The following EYA1 variants were observed in gnomAD, a reference collection of about 807,000 sequenced individuals.
The protein encoded by EYA1 is EYA transcriptional coactivator and phosphatase 1, also known as protein phosphatase EYA1.
In EYA1, 16 loss-of-function variants were observed where a neutral mutation model predicts 82.0. The observed-to-expected ratio is 0.20, with a 90% CI of 0.13 to 0.30. The LOEUF is 0.30. Among genes scored for constraint, EYA1 ranks in the 10% least tolerant of loss-of-function variants. EYA1 has a pLI of 1.00. For synonymous variants in EYA1, 261 were observed against 264.4 expected (o/e 0.99, Z 0.12); for missense variants, 633 against 730.7 (o/e 0.87, Z 1.54).
At chr8:71,458,610 G>A (rs1808136458) in intron 2 of EYA1, among the ~76,000 whole-genome samples, 1 of 152,056 alleles carries the variant, frequency 6.6e-6, no homozygotes, top group South Asian at 2.1e-4. Context: ...GAAGTTTTTG[G>A]TGATGGATTA....
chr8:71,208,387 G>T (rs529734903), intron 17 of EYA1, among the ~76,000 whole-genome samples: 1 of 151,948 alleles, frequency 6.6e-6, no homozygotes, highest in Non-Finnish European at 1.5e-5. Flanking sequence ...AGCCGAGATC[G>T]CGCTACTGCA....
At position 71,269,793 on chromosome 8, in the gene EYA1, T is replaced by C. The variant is rs1480195366; in HGVS notation, c.997A>G (p.Ile333Val). The change falls in exon 11 of 18, where the codon ATC (isoleucine) becomes GTC (valine). Residue 333 changes from isoleucine (I) to valine (V), a missense_variant. Physicochemically the swap from Ile to Val is conservative, Grantham distance 29. Transcript: ENST00000340726. ...GTAAGCAAGGAGTGGAAAACAATGA[T>C]TGTCTCATCCAAGTCCCAGATGAAC... ...RVFIWDLDETIIVFHSLLTGS... is the reference protein window; with the variant it reads ...RVFIWDLDETVIVFHSLLTGS... The C allele has an allele frequency of 6.2e-7, 1 of 1,613,756 alleles. No individual in the cohort carries two copies. Among genetic ancestry groups the C allele is most frequent in the South Asian group, 1.1e-5 (1 of 91,060 alleles).
intron 2 of EYA1, among the ~76,000 whole-genome samples, chr8:71,447,688 T>C (rs1379306417): frequency 6.6e-6 from 1 of 152,228 alleles, no homozygotes; most frequent in East Asian, 1.9e-4. Flanking sequence ...ATTTTTTGTT[T>C]CCCAATGCAT....
At chr8:71,399,415 C>T (rs1829826627) in intron 2 of EYA1, among the ~76,000 whole-genome samples, 1 of 152,178 alleles carries the variant, frequency 6.6e-6, no homozygotes, top group Non-Finnish European at 1.5e-5. Flanking sequence ...GGAACCTCCT[C>T]CTGCTTATGT....
intron 2 of EYA1, among the ~76,000 whole-genome samples, chr8:71,369,457 G>T (rs866419192): frequency 6.6e-6 from 1 of 152,148 alleles, no homozygotes; most frequent in Non-Finnish European, 1.5e-5. Flanking sequence ...GTCTTCTGTT[G>T]TCACAGTACT....
At chr8:71,268,346 A>C (rs1816119890) in intron 11 of EYA1, among the ~76,000 whole-genome samples, 2 of 152,164 alleles carry the variant, frequency 1.3e-5, no homozygotes, top group East Asian at 1.9e-4. Context: ...GGATCAGTTA[A>C]GGAGATCTTC....
chr8:71,303,315 TACACACAC>T (rs58345968), intron 7 of EYA1, among the ~76,000 whole-genome samples: 1 of 131,886 alleles, frequency 7.6e-6, no homozygotes, highest in South Asian at 2.5e-4. Context: ...ACATTTGATA[TACACACAC>T]ACACACACAC....
At chr8:71,277,956 T>C (rs1427800372) in intron 9 of EYA1, among the ~76,000 whole-genome samples, 1 of 152,220 alleles carries the variant, frequency 6.6e-6, no homozygotes, top group Non-Finnish European at 1.5e-5. Context: ...AATTTTTACA[T>C]CTGTAAATAC....
At chr8:71,326,637 T>C (rs758012977) in intron 4 of EYA1, among the ~76,000 whole-genome samples, 1 of 152,174 alleles carries the variant, frequency 6.6e-6, no homozygotes, top group Non-Finnish European at 1.5e-5. Flanking sequence ...CTGGGAGAGC[T>C]GGGGCTCCTC....
In EYA1 at chr8:71,216,960, C is replaced by T; in HGVS notation, c.1199+5G>A. ...GATGGTCACTTCACATTCAAGGGTGCTCACCTTAGGTCCTGTCCGTTATCA... is the reference window on the plus strand; with the variant it reads ...GATGGTCACTTCACATTCAAGGGTGTTCACCTTAGGTCCTGTCCGTTATCA... On this transcript the variant is annotated splice_donor_5th_base_variant and intron_variant, in intron 13 of 17. Transcript: ENST00000340726. 1 of 1,613,318 alleles carries T rather than the reference C, an allele frequency of 6.2e-7. No homozygotes were observed. Among genetic ancestry groups the T allele is most frequent in the African/African-American group, 1.3e-5 (1 of 75,028 alleles).
chr8:71,217,047 A>G (rs1225601332), intron 12 of EYA1, 24 bp from the exon 13 acceptor site: 1 of 1,578,576 alleles, frequency 6.3e-7, no homozygotes, highest in South Asian at 1.1e-5. Flanking sequence ...AAAATGATAC[A>G]TGTCAATTTT....
rs372485175 is a variant in EYA1, at chr8:71,281,250, TG to T, written c.827-9354del. 2.9e-3 allele frequency among the ~76,000 whole-genome samples: 439 copies of T among 152,344 alleles called. 4 individuals are homozygous for T. The highest frequency in any genetic ancestry group is 0.01 in the African/African-American group (427 of 41,580). On this transcript the variant is annotated intron_variant, in intron 9 of 17. Transcript: ENST00000340726. ...TATGTTATTTTGTTTTGTCTGAGAA[TG>T]TTTTTTTCTTGAATGGTCATTAATG...
chr8:71,249,625 C>T (rs952344683), intron 11 of EYA1, among the ~76,000 whole-genome samples: 1 of 152,114 alleles, frequency 6.6e-6, no homozygotes. Context: ...CACAGCAAAA[C>T]CATATCAATG....
At chr8:71,472,282 A>G (rs769077704) in intron 2 of EYA1, among the ~76,000 whole-genome samples, 2 of 152,150 alleles carry the variant, frequency 1.3e-5, no homozygotes, top group Non-Finnish European at 2.9e-5. Flanking sequence ...TTTTTGTTAA[A>G]GGAAAAGCAC....
intron 12 of EYA1, among the ~76,000 whole-genome samples, chr8:71,221,200 G>A (rs888627935): frequency 6.6e-6 from 1 of 152,142 alleles, no homozygotes; most frequent in Non-Finnish European, 1.5e-5. Flanking sequence ...CCGATAAAAT[G>A]GTGGCCTACT....
rs140295529 is a variant in EYA1 at position 71,430,942 on chromosome 8, A to T, written c.34-74431T>A. ...ACACTACAGGGCCTAAGAACATGGA[A>T]CAAGACAGCTTGGCTTTAATTAAGT... On this transcript the variant is annotated intron_variant, in intron 2 of 18. Transcript: ENST00000643681. 8.5e-5 allele frequency among the ~76,000 whole-genome samples: 13 copies of T among 152,230 alleles called. No homozygotes were observed. In the East Asian group the frequency reaches 2.3e-3, roughly 27 times the overall value.
intron 9 of EYA1, among the ~76,000 whole-genome samples, chr8:71,284,534 G>A (rs2128975276): frequency 6.6e-6 from 1 of 152,298 alleles, no homozygotes; most frequent in South Asian, 2.1e-4. Flanking sequence ...AATGGGAACA[G>A]CACCATTGTC....
At chr8:71,239,507 A>T (rs1812222128) in intron 12 of EYA1, among the ~76,000 whole-genome samples, 1 of 152,262 alleles carries the variant, frequency 6.6e-6, no homozygotes, top group Admixed American at 6.5e-5. Context: ...GATTTAAAAA[A>T]TGTGGTCCTT....
chr8:71,341,391 A>C (rs1212829211), intron 3 of EYA1, among the ~76,000 whole-genome samples: 2 of 152,186 alleles, frequency 1.3e-5, no homozygotes, highest in African/African-American at 2.4e-5. Context: ...ATGAGGCAGA[A>C]ATAGAAATGT....
Sources: allele counts gnomAD v4.1 joint callset (sites outside exome capture counted in the v4.1 genomes callset), GRCh38; gene constraint gnomAD v4.1.1; transcripts MANE v1.5; gene names NCBI Gene and HGNC (gene_info 2026-07-23, HGNC 2026-07-21).